Variants in TENM2 observed in about 807,000 individuals in gnomAD.
The protein encoded by TENM2 is teneurin-2.
In TENM2, 52 loss-of-function variants were observed where a neutral mutation model predicts 245.2. The observed-to-expected ratio is 0.21, with a 90% CI of 0.17 to 0.27. The LOEUF is 0.27. TENM2 is among the 10% of genes least tolerant of loss of function. TENM2 has a pLI of 1.00. For missense variants in TENM2, 3,046 were observed against 3,666.8 expected (o/e 0.83, Z 4.37); for synonymous variants, 1,363 against 1,438.9 (o/e 0.95, Z 1.19).
intron 2 of TENM2, among the ~76,000 whole-genome samples, chr5:167,773,568 T>A (rs1763540501): frequency 6.6e-6 from 1 of 152,218 alleles, no homozygotes; most frequent in Admixed American, 6.5e-5. Context: ...TTCAAGTCTC[T>A]TGGAATTTGG....
At chr5:167,303,481 C>T (rs1298954816) in intron 1 of TENM2, 1 of 152,034 alleles carries the variant, frequency 6.6e-6, no homozygotes, top group Admixed American at 6.6e-5. Context: ...ACAAGGTGCT[C>T]AGTAGGGGAG....
At chr5:168,142,850 C>G (rs1755675081) in intron 12 of TENM2, among the ~76,000 whole-genome samples, 1 of 152,200 alleles carries the variant, frequency 6.6e-6, no homozygotes, top group Admixed American at 6.5e-5. Flanking sequence ...GCCTTGAAGC[C>G]TGGAATATAG....
At chr5:167,995,576 C>T (rs868628920) in intron 5 of TENM2, among the ~76,000 whole-genome samples, 2 of 152,182 alleles carry the variant, frequency 1.3e-5, no homozygotes, top group Non-Finnish European at 2.9e-5. Context: ...GGTCTGCAAG[C>T]GTGGTAAGGG....
At position 168,244,347 on chromosome 5, in the gene TENM2, A is replaced by G. The variant is rs906632706; in HGVS notation, c.5521-73A>G. The stretch of plus-strand genomic sequence containing the variant: ...CACTTAAGCCCTGGCCATGCCAGCC[A>G]TGTCCTCCACAGAAGCCTGAGCCGG... On this transcript the variant is annotated intron_variant, in intron 25 of 28. Coordinates refer to ENST00000518659, the Ensembl canonical transcript of TENM2. The surrounding 1 kb of genome is among the most constrained non-coding windows in gnomAD (Gnocchi z 4.9). 7 of 1,283,280 alleles carry G rather than the reference A, an allele frequency of 5.5e-6. No individual in the cohort carries two copies. The highest frequency in any genetic ancestry group is 7.3e-6 in the Non-Finnish European group (7 of 960,776). 79.5% of individuals were successfully genotyped at this position (1,283,280 alleles called of 1,614,324 possible).
intron 2 of TENM2, among the ~76,000 whole-genome samples, chr5:167,839,805 A>G (rs562353771): frequency 2.0e-5 from 3 of 152,232 alleles, no homozygotes; most frequent in Admixed American, 1.3e-4. Flanking sequence ...TAAATTACCT[A>G]TCTAATTCAC....
rs1005492395 is a variant in TENM2, at chr5:167,477,439, G to C, written c.502+101966G>C. 7.1e-4 allele frequency among the ~76,000 whole-genome samples: 13 copies of C among 18,300 alleles called. No homozygotes were observed. The East Asian group carries it at 9.3e-3, about 13-fold the overall frequency. 12.0% of individuals were successfully genotyped at this position (18,300 alleles called of 152,430 possible). ...GATCTCCAGGCCCTGTTGGCGGGTG[G>C]GGGGGGAGGTCTCAGACTATGCTTG... On this transcript the variant is annotated intron_variant, in intron 2 of 28. Coordinates refer to ENST00000518659, the Ensembl canonical transcript of TENM2.
At chr5:167,173,216 A>G in the TENM2 span, among the ~76,000 whole-genome samples, 3 of 152,184 alleles carry the variant, frequency 2.0e-5, no homozygotes, top group African/African-American at 4.8e-5. Context: ...TTTTAAAACT[A>G]TAGGCCACTT....
the TENM2 span, among the ~76,000 whole-genome samples, chr5:167,064,761 T>G: frequency 5.8e-4 from 89 of 152,236 alleles, no homozygotes; most frequent in African/African-American, 2.1e-3. Flanking sequence ...GATTACTATG[T>G]TCGGTGCTAA....
chr5:167,777,815 T>C (rs1283477342), intron 2 of TENM2, among the ~76,000 whole-genome samples: 1 of 152,204 alleles, frequency 6.6e-6, no homozygotes, highest in African/African-American at 2.4e-5. Context: ...TAGCTCTTCA[T>C]GTCATTCACA....
Position 167,399,652 on chromosome 5 carries a change from G to A in TENM2, c.502+24179G>A, listed in dbSNP as rs554162035. Among the ~76,000 whole-genome samples, 223 of 152,218 alleles carry A rather than the reference G, an allele frequency of 1.5e-3. 1 individual carries two copies. Among genetic ancestry groups the A allele is most frequent in the African/African-American group, 5.2e-3 (218 of 41,562 alleles). On this transcript the variant is annotated intron_variant, in intron 2 of 28. Transcript: ENST00000518659. The stretch of plus-strand genomic sequence containing the variant: ...TGTCACTTCCTAGCTTTTGGGATGT[G>A]GAAACGACTTCATCTCTCTGAGTAG...
chr5:167,456,347 G>A (rs1266268412), intron 2 of TENM2, among the ~76,000 whole-genome samples: 2 of 152,104 alleles, frequency 1.3e-5, no homozygotes, highest in African/African-American at 4.8e-5. Context: ...TTATTCTATA[G>A]CAGGAATTTA....
At chr5:167,716,731 C>T (rs73801361) in intron 2 of TENM2, among the ~76,000 whole-genome samples, 4,677 of 152,130 alleles carry the variant, frequency 0.031, 225 homozygotes, top group African/African-American at 0.11. Context: ...TATTTGGGAG[C>T]TGGGTAAAAA....
At chr5:167,085,922 G>A in the TENM2 span, among the ~76,000 whole-genome samples, 1 of 152,158 alleles carries the variant, frequency 6.6e-6, no homozygotes, top group Non-Finnish European at 1.5e-5. Flanking sequence ...CACTACTCTT[G>A]TATTGATCAC....
At chr5:167,286,033 T>G (rs2127711599) in intron 1 of TENM2, among the ~76,000 whole-genome samples, 1 of 152,350 alleles carries the variant, frequency 6.6e-6, no homozygotes, top group Middle Eastern at 3.4e-3. Context: ...AACTACTTTT[T>G]ACTACTTTTT....
At chr5:167,558,762 A>G (rs914869802) in intron 2 of TENM2, among the ~76,000 whole-genome samples, 12 of 152,034 alleles carry the variant, frequency 7.9e-5, no homozygotes, top group Admixed American at 7.9e-4. Context: ...AATAAATGTA[A>G]TGTGCTTTAG....
the TENM2 span, among the ~76,000 whole-genome samples, chr5:167,036,996 T>C: frequency 6.6e-6 from 1 of 152,212 alleles, no homozygotes; most frequent in Non-Finnish European, 1.5e-5. Context: ...TGGCAAACCC[T>C]CCCACACCGA....
At chr5:167,448,239 G>A (rs1456596140) in intron 2 of TENM2, among the ~76,000 whole-genome samples, 1 of 152,024 alleles carries the variant, frequency 6.6e-6, no homozygotes, top group Admixed American at 6.6e-5. Flanking sequence ...AGACACCATG[G>A]ATGTGAAAGG....
chr5:167,140,055 C>T, the TENM2 span, among the ~76,000 whole-genome samples: 1 of 152,092 alleles, frequency 6.6e-6, no homozygotes, highest in Non-Finnish European at 1.5e-5. Flanking sequence ...AGTTACTCAA[C>T]TAAAACGTGG....
intron 3 of TENM2, among the ~76,000 whole-genome samples, chr5:167,903,655 G>A (rs77537954): frequency 0.019 from 2,963 of 152,268 alleles, 97 homozygotes; most frequent in African/African-American, 0.067. Context: ...TGCAGCTCCA[G>A]TGTAACCAGG....
Sources: allele counts gnomAD v4.1 joint callset (sites outside exome capture counted in the v4.1 genomes callset), GRCh38; gene constraint gnomAD v4.1.1; non-coding constraint Gnocchi (gnomAD v3.1); transcripts MANE v1.5; gene names NCBI Gene and HGNC (gene_info 2026-07-23, HGNC 2026-07-21).